The following NUMA1 variants were observed in gnomAD, a reference collection of about 807,000 sequenced individuals.
NUMA1 encodes SP-H antigen.
NUMA1 carries 62 observed loss-of-function variants against 237.1 expected under a neutral mutation model. The ratio of observed to expected loss-of-function variants is 0.26; its 90% CI spans 0.21 to 0.32. The LOEUF is 0.32. Among genes scored for constraint, NUMA1 ranks in the 10% least tolerant of loss-of-function variants. NUMA1 has a pLI of 1.00. For missense variants in NUMA1, 2,533 were observed against 2,666.5 expected (o/e 0.95, Z 1.10); for synonymous variants, 1,028 against 1,066.1 (o/e 0.96, Z 0.70).
chr11:72,019,407 G>A (rs1938411163), intron 9 of NUMA1, 87 bp downstream of exon 9: 1 of 1,535,404 alleles, frequency 6.5e-7, no homozygotes, highest in African/African-American at 1.4e-5. Context: ...CCCAGAGGCT[G>A]GTTAACATCT....
chr11:72,074,939 C>A (rs1943637324), intron 1 of NUMA1, among the ~76,000 whole-genome samples: 1 of 152,070 alleles, frequency 6.6e-6, no homozygotes, highest in African/African-American at 2.4e-5. Context: ...GAGGCTGAGA[C>A]AGGAGAATCA....
chr11:72,029,184 A>C (rs915809637), intron 4 of NUMA1, 21 bp downstream of exon 4: 2 of 1,581,020 alleles, frequency 1.3e-6, no homozygotes, highest in Non-Finnish European at 1.7e-6. Flanking sequence ...GAGGCTAGAA[A>C]GGGGTATGGT....
chr11:72,027,351 T>C (rs1243582909), intron 4 of NUMA1, among the ~76,000 whole-genome samples: 1 of 151,936 alleles, frequency 6.6e-6, no homozygotes, highest in Non-Finnish European at 1.5e-5. Context: ...TGCAAAATAA[T>C]GATTTTCAAC....
At chr11:72,069,333 T>C (rs868225755) in intron 2 of NUMA1, among the ~76,000 whole-genome samples, 1 of 152,198 alleles carries the variant, frequency 6.6e-6, no homozygotes, top group Middle Eastern at 3.2e-3. Context: ...GTCACACATC[T>C]GGTTAGCAAC....
rs752809895 is a variant in NUMA1 at position 72,018,422 on chromosome 11, A to G, written c.834T>C (p.Leu278=). 6.2e-7 allele frequency: 1 copy of G among 1,614,080 alleles called. No homozygotes were observed. Among genetic ancestry groups the G allele is most frequent in the Admixed American group, 1.7e-5 (1 of 60,022 alleles). ...QAASPLEPKE[L]EELRDKNESL... ...TCTCATTCTTGTCACGCAGCTCCTC[A>G]AGCTCCTTGGGCTCCAGTGGGCTGG... The change falls in exon 11 of 27, where the codon CTT becomes CTC. Residue 278 remains leucine (L), a synonymous_variant. Coordinates refer to ENST00000393695, the MANE Select transcript of NUMA1 (RefSeq NM_006185.4).
At chr11:72,063,641 G>A (rs1209850600) in intron 2 of NUMA1, among the ~76,000 whole-genome samples, 1 of 146,582 alleles carries the variant, frequency 6.8e-6, no homozygotes, top group African/African-American at 2.5e-5. Context: ...AGCTGGCTGG[G>A]TACAATGGTT....
intron 16 of NUMA1, among the ~76,000 whole-genome samples, chr11:72,011,537 C>T (rs1022058574): frequency 6.6e-6 from 1 of 152,206 alleles, no homozygotes; most frequent in African/African-American, 2.4e-5. Flanking sequence ...TCAAGCATGA[C>T]CAGGCAGCAC....
chr11:72,053,855 T>TC (rs1942496195), intron 2 of NUMA1, among the ~76,000 whole-genome samples: 1 of 152,262 alleles, frequency 6.6e-6, no homozygotes, highest in African/African-American at 2.4e-5. Context: ...AACTTTTTTT[T>TC]CTTGTCATTA....
Position 72,003,525 on chromosome 11 carries a change from C to T in NUMA1, c.*2G>A. ...GTGGGGCCACTCACTGGTACTGGCCCTTTAGTGCTTTGCCTGAAAGAGACA... is the reference window on the plus strand; with the variant it reads ...GTGGGGCCACTCACTGGTACTGGCCTTTTAGTGCTTTGCCTGAAAGAGACA... On this transcript the variant is annotated 3_prime_UTR_variant, in exon 27 of 27. Coordinates refer to ENST00000393695, the MANE Select transcript of NUMA1 (RefSeq NM_006185.4). 2 of 1,614,124 alleles carry T rather than the reference C, an allele frequency of 1.2e-6. No homozygotes were observed. Among genetic ancestry groups the T allele is most frequent in the African/African-American group, 1.3e-5 (1 of 75,044 alleles).
chr11:72,052,735 G>A (rs182958133), intron 2 of NUMA1, among the ~76,000 whole-genome samples: 30 of 152,094 alleles, frequency 2.0e-4, no homozygotes, highest in African/African-American at 7.2e-4. Flanking sequence ...CTGCACTCCA[G>A]TCTGGTGTGC....
Position 72,044,050 on chromosome 11 carries a change from C to G in NUMA1, c.-32-8075G>C, listed in dbSNP as rs189489545. Among the ~76,000 whole-genome samples the G allele has an allele frequency of 3.7e-3, 569 of 152,278 alleles. 4 individuals carry two copies. The highest frequency in any genetic ancestry group is 0.013 in the African/African-American group (550 of 41,546). ...ATTCTACTGACCTAATATGTACGAA[C>G]TCATTAATCTTAAAAACTCCCTTAA... On this transcript the variant is annotated intron_variant, in intron 2 of 26. Coordinates refer to ENST00000393695, the MANE Select transcript of NUMA1 (RefSeq NM_006185.4).
At position 72,004,733 on chromosome 11, in the gene NUMA1, C is replaced by T; in HGVS notation, c.5913G>A (p.Gln1971=). The change falls in exon 24 of 27, where the codon CAG becomes CAA. Residue 1971 remains glutamine, a synonymous_variant. Transcript: ENST00000393695. ...PQETLRRASM[Q]PIQIAEGTGI... is the part of the protein sequence containing the mutation. ...CAGTGCCCTCGGCTATCTGGATTGG[C>T]TGCATGCTGGCTCGGCGCAGGGTCT... The T allele has an allele frequency of 4.3e-6, 7 of 1,613,088 alleles. No individual in the cohort carries two copies. The highest frequency in any genetic ancestry group is 5.9e-6 in the Non-Finnish European group (7 of 1,179,664).
chr11:72,074,352 CA>C (rs915103524), intron 1 of NUMA1, among the ~76,000 whole-genome samples: 5 of 151,206 alleles, frequency 3.3e-5, no homozygotes. Context: ...GGCTCCATCT[CA>C]AAAAAAATAA....
chr11:72,020,965 T>G (rs1216083089), intron 8 of NUMA1: 8 of 455,608 alleles, frequency 1.8e-5, no homozygotes, highest in East Asian at 3.4e-5. Context: ...AAAGTAGGTA[T>G]GATCACTTGT....
intron 26 of NUMA1, 141 bp from the exon 27 acceptor site, chr11:72,003,679 G>A (rs1177395002): frequency 1.7e-6 from 2 of 1,165,746 alleles, no homozygotes; most frequent in Non-Finnish European, 2.5e-6. Context: ...GTTGCTGGCT[G>A]TGCCTGAGCA....
intron 20 of NUMA1, chr11:72,008,451 A>G: frequency 1.9e-6 from 1 of 537,112 alleles, no homozygotes; most frequent in Non-Finnish European, 3.3e-6. Flanking sequence ...AACCTGGCAC[A>G]CACACCTATG....
chr11:72,033,869 A>G (rs1433874226), intron 3 of NUMA1, among the ~76,000 whole-genome samples: 2 of 152,118 alleles, frequency 1.3e-5, no homozygotes, highest in Non-Finnish European at 2.9e-5. Context: ...AAAAATATAA[A>G]ACATTGTATT....
Position 72,003,464 on chromosome 11 carries a change from G to A in NUMA1, c.*63C>T. 2.0e-6 allele frequency: 3 copies of A among 1,521,862 alleles called. No individual in the cohort carries two copies. Among genetic ancestry groups the A allele is most frequent in the East Asian group, 2.3e-5 (1 of 44,438 alleles). 94.3% of individuals were successfully genotyped at this position (1,521,862 alleles called of 1,614,324 possible). ...GAGAAGGCACTGAGAGGGACAGTAGGCGGAGGACCAGGTGAGGTCAGCATC... is the reference window on the plus strand; with the variant it reads ...GAGAAGGCACTGAGAGGGACAGTAGACGGAGGACCAGGTGAGGTCAGCATC... On this transcript the variant is annotated 3_prime_UTR_variant, in exon 27 of 27. Transcript: ENST00000393695.
intron 2 of NUMA1, among the ~76,000 whole-genome samples, chr11:72,053,302 G>A (rs567583155): frequency 1.2e-4 from 18 of 152,086 alleles, no homozygotes; most frequent in Non-Finnish European, 2.2e-4. Context: ...TCCTAATTAC[G>A]CCTTTTTGTA....
Sources: allele counts gnomAD v4.1 joint callset (sites outside exome capture counted in the v4.1 genomes callset), GRCh38; gene constraint gnomAD v4.1.1; transcripts MANE v1.5; gene names NCBI Gene and HGNC (gene_info 2026-07-23, HGNC 2026-07-21).